The following PTPN13 variants were observed in gnomAD, a reference collection of about 807,000 sequenced individuals.
PTPN13 encodes tyrosine-protein phosphatase non-receptor type 13.
A neutral mutation model predicts 284.0 loss-of-function variants in PTPN13; 191 were observed. The observed-to-expected ratio is 0.67, with a 90% confidence interval of 0.60 to 0.76. The LOEUF (loss-of-function observed/expected upper bound fraction) is 0.76, where lower values mean the gene tolerates loss of function less well. Among genes scored for constraint, PTPN13 ranks in the 30% least tolerant of loss-of-function variants. The probability of loss-of-function intolerance (pLI) is 0.00; values close to 1 mark genes in which losing one functional copy is unlikely to be tolerated. For missense variants in PTPN13, 2,797 were observed against 2,939.9 expected (o/e 0.95, Z 1.12); for synonymous variants, 986 against 1,022.3 (o/e 0.96, Z 0.68).
At chr4:86,792,314 G>C (rs542562915) in intron 40 of PTPN13, among the ~76,000 whole-genome samples, 132 of 152,280 alleles carry the variant, frequency 8.7e-4, no homozygotes, top group Non-Finnish European at 1.5e-3. Context: ...AGAGAAAAAA[G>C]AGTGAAAAGA....
rs1442059555 is a variant in PTPN13, at chr4:86,780,398, A to G, written c.5892-4A>G. The G allele has an allele frequency of 1.2e-6, 2 of 1,606,068 alleles. No homozygotes were observed. The highest frequency in any genetic ancestry group is 3.4e-5 in the Admixed American group (2 of 59,060). On this transcript the variant is annotated splice_region_variant and splice_polypyrimidine_tract_variant and intron_variant, in intron 35 of 47. Coordinates refer to ENST00000411767, the MANE Select transcript of PTPN13 (RefSeq NM_080683.3). ...ATTTACAGTTGTCTTTTTTTACAACACAGAAATGATCTTCCAGTGGTCCCC... is the reference window on the plus strand; with the variant it reads ...ATTTACAGTTGTCTTTTTTTACAACGCAGAAATGATCTTCCAGTGGTCCCC...
chr4:86,785,914 C>T lies in PTPN13; in HGVS notation c.6323C>T (p.Pro2108Leu). Residue 2108 changes from proline (P) to leucine (L), a missense_variant, in exon 40 of 48, where the codon CCT becomes CTT. By Grantham distance (98) the Pro-to-Leu change is moderately conservative (BLOSUM62 -3). Transcript: ENST00000411767. ...GAAGATACAGACTGCGATGGTTCACCTTTACCTGAGTATTTTACTGAGGTA... is the reference window on the plus strand; with the variant it reads ...GAAGATACAGACTGCGATGGTTCACTTTTACCTGAGTATTTTACTGAGGTA... ...RTEDTDCDGS[P>L]LPEYFTEATK... 1 of 1,556,024 alleles carries T rather than the reference C, an allele frequency of 6.4e-7. No homozygotes were observed. Among genetic ancestry groups the T allele is most frequent in the Non-Finnish European group, 8.7e-7 (1 of 1,147,858 alleles).
intron 2 of PTPN13, among the ~76,000 whole-genome samples, chr4:86,660,348 A>G (rs1726333470): frequency 6.6e-6 from 1 of 152,198 alleles, no homozygotes; most frequent in East Asian, 1.9e-4. Flanking sequence ...AACACGATTA[A>G]AGCATAAGAA....
rs78775370 is a variant in PTPN13 at position 86,623,125 on chromosome 4, G to A, written c.-5-12127G>A. On this transcript the variant is annotated intron_variant, in intron 1 of 47. Transcript: ENST00000411767. ...CAATGTTTTTATGTTGAGAACCAGG[G>A]AAGCTGATGGTGTAACTCATTCAGA... Among the ~76,000 whole-genome samples the A allele has an allele frequency of 4.9e-4, 74 of 152,262 alleles. 1 individual carries two copies. In the East Asian group the frequency reaches 0.013, roughly 27 times the overall value.
intron 10 of PTPN13, among the ~76,000 whole-genome samples, chr4:86,730,102 G>A (rs1219022124): frequency 6.7e-6 from 1 of 149,590 alleles, no homozygotes; most frequent in Non-Finnish European, 1.5e-5. Context: ...AGGTCTGTTG[G>A]AGTTTGCTGG....
At chr4:86,604,173 C>A (rs1376852048) in intron 1 of PTPN13, among the ~76,000 whole-genome samples, 1 of 151,872 alleles carries the variant, frequency 6.6e-6, no homozygotes, top group Non-Finnish European at 1.5e-5. Flanking sequence ...TTGGGTAGTC[C>A]TCGGTTTGAG....
chr4:86,782,069 G>T (rs980522429), intron 36 of PTPN13, 132 bp from the exon 37 acceptor site: 8 of 571,386 alleles, frequency 1.4e-5, no homozygotes, highest in East Asian at 3.1e-5. Flanking sequence ...TAATCATTTT[G>T]TAATATGAAT....
At chr4:86,719,172 CTTT>C (rs1733369425) in intron 9 of PTPN13, among the ~76,000 whole-genome samples, 1 of 152,124 alleles carries the variant, frequency 6.6e-6, no homozygotes, top group African/African-American at 2.4e-5. Flanking sequence ...TTGTTTCCTT[CTTT>C]GTGTTCAGAA....
chr4:86,597,842 T>G (rs927482638), intron 1 of PTPN13, among the ~76,000 whole-genome samples: 3 of 152,202 alleles, frequency 2.0e-5, no homozygotes, highest in African/African-American at 7.2e-5. Context: ...TTTCCCAGAG[T>G]TTGCTATCAA....
chr4:86,765,889 G>A (rs1485285844), intron 26 of PTPN13, among the ~76,000 whole-genome samples: 1 of 151,600 alleles, frequency 6.6e-6, no homozygotes. Context: ...GTGCAGTGGT[G>A]CGATCTCAGT....
At chr4:86,774,106 C>A (rs1740321230) in intron 32 of PTPN13, among the ~76,000 whole-genome samples, 1 of 151,996 alleles carries the variant, frequency 6.6e-6, no homozygotes, top group Admixed American at 6.6e-5. Context: ...AGAAAGAAAG[C>A]AGGAGTAAAT....
chr4:86,686,304 G>A (rs922250271), intron 3 of PTPN13, among the ~76,000 whole-genome samples: 33 of 151,710 alleles, frequency 2.2e-4, no homozygotes, highest in Non-Finnish European at 3.4e-4. Context: ...GCAGTGAGCC[G>A]AGATTGTGCC....
At chr4:86,768,237 A>G (rs930065207) in intron 28 of PTPN13, among the ~76,000 whole-genome samples, 6 of 152,244 alleles carry the variant, frequency 3.9e-5, no homozygotes, top group Non-Finnish European at 5.9e-5. Context: ...AAAATTCAAA[A>G]TAGAATTTGG....
rs915825890 is a variant in PTPN13, at chr4:86,693,581, G to A, written c.547-6G>A. ...TCAAACTTGATTTTTTATTACCTGTGTACAGACAGATCAGCTTTCCTGTAA... is the reference window on the plus strand; with the variant it reads ...TCAAACTTGATTTTTTATTACCTGTATACAGACAGATCAGCTTTCCTGTAA... On this transcript the variant is annotated splice_region_variant and splice_polypyrimidine_tract_variant and intron_variant, in intron 5 of 47. Coordinates refer to ENST00000411767, the MANE Select transcript of PTPN13 (RefSeq NM_080683.3). 5.6e-5 allele frequency: 86 copies of A among 1,538,622 alleles called. No homozygotes were observed. The highest frequency in any genetic ancestry group is 7.2e-5 in the Non-Finnish European group (82 of 1,136,536).
intron 2 of PTPN13, among the ~76,000 whole-genome samples, chr4:86,639,692 AG>A (rs1723531688): frequency 7.2e-6 from 1 of 138,568 alleles, no homozygotes; most frequent in South Asian, 2.4e-4. Context: ...GGTGGGGGGA[AG>A]GGGGAAGGAT....
intron 7 of PTPN13, among the ~76,000 whole-genome samples, chr4:86,703,350 A>G (rs981584427): frequency 4.6e-5 from 7 of 152,216 alleles, no homozygotes; most frequent in African/African-American, 1.7e-4. Context: ...GTTGTACAAC[A>G]GCTAGTATAT....
intron 2 of PTPN13, among the ~76,000 whole-genome samples, chr4:86,668,762 ATTTTTTTT>A (rs776320959): frequency 3.5e-4 from 39 of 112,292 alleles, no homozygotes; most frequent in African/African-American, 2.4e-4. Context: ...CGCCCAGCTA[ATTTTTTTT>A]TTTTTTTTTT....
intron 4 of PTPN13, among the ~76,000 whole-genome samples, chr4:86,687,801 C>T (rs2148953883): frequency 6.6e-6 from 1 of 151,664 alleles, no homozygotes; most frequent in African/African-American, 2.4e-5. Flanking sequence ...TTTCTGATAA[C>T]TGGAAATAAA....
intron 20 of PTPN13, among the ~76,000 whole-genome samples, chr4:86,754,545 G>A (rs1737760650): frequency 6.6e-6 from 1 of 151,900 alleles, no homozygotes; most frequent in Admixed American, 6.6e-5. Flanking sequence ...TTGTACAGAA[G>A]GTCACAAAGT....
Sources: gnomAD v4.1 joint callset for allele counts (sites outside exome capture counted in the v4.1 genomes callset) on GRCh38, gnomAD v4.1.1 for gene constraint, MANE v1.5 for transcripts, NCBI Gene and HGNC (gene_info 2026-07-23, HGNC 2026-07-21) for gene names.